Variants in RBMS3 observed in about 807,000 individuals in gnomAD.
The protein encoded by RBMS3 is RNA-binding motif, single-stranded-interacting protein 3.
RBMS3 carries 27 observed loss-of-function variants against 66.8 expected under a neutral mutation model. The observed-to-expected ratio is 0.40, with a 90% CI of 0.30 to 0.56. The LOEUF (loss-of-function observed/expected upper bound fraction) is 0.56. Ranked by LOEUF, RBMS3 falls within the 20% of genes least tolerant of loss-of-function variation. The pLI is 0.40. For synonymous variants in RBMS3, 188 were observed against 183.0 expected (o/e 1.03, Z -0.22); for missense variants, 513 against 549.5 (o/e 0.93, Z 0.66).
At chr3:29,978,943 G>T (rs1697781965) in intron 12 of RBMS3, among the ~76,000 whole-genome samples, 1 of 152,028 alleles carries the variant, frequency 6.6e-6, no homozygotes, top group Non-Finnish European at 1.5e-5. Context: ...AGACCAGTCT[G>T]GGCAAGACCC....
intron 1 of RBMS3, among the ~76,000 whole-genome samples, chr3:29,294,910 G>A (rs1030056446): frequency 6.6e-6 from 1 of 151,494 alleles, no homozygotes; most frequent in Non-Finnish European, 1.5e-5. Flanking sequence ...TACCCAGATG[G>A]GTTTTTTAAC....
intron 4 of RBMS3, among the ~76,000 whole-genome samples, chr3:29,685,149 C>G (rs58837686): frequency 6.6e-6 from 1 of 152,052 alleles, no homozygotes; most frequent in Non-Finnish European, 1.5e-5. Flanking sequence ...AGCTCCGCCT[C>G]CCGGGTTCAC....
chr3:29,658,144 T>C (rs1466021181), intron 4 of RBMS3, among the ~76,000 whole-genome samples: 1 of 152,188 alleles, frequency 6.6e-6, no homozygotes, highest in Non-Finnish European at 1.5e-5. Context: ...ATAATAAAAA[T>C]AGGACCCGTG....
intron 3 of RBMS3, among the ~76,000 whole-genome samples, chr3:29,567,178 G>A: frequency 6.6e-6 from 1 of 152,138 alleles, no homozygotes; most frequent in Non-Finnish European, 1.5e-5. Context: ...TCCCCCCACA[G>A]CACCTAGCTT....
At chr3:29,823,024 T>C (rs1421136678) in intron 6 of RBMS3, among the ~76,000 whole-genome samples, 1 of 152,144 alleles carries the variant, frequency 6.6e-6, no homozygotes, top group Non-Finnish European at 1.5e-5. Flanking sequence ...TTTTCTAGCA[T>C]TGAGGAGATA....
intron 4 of RBMS3, among the ~76,000 whole-genome samples, chr3:29,719,515 C>T (rs1434605577): frequency 6.6e-6 from 1 of 152,066 alleles, no homozygotes; most frequent in Non-Finnish European, 1.5e-5. Flanking sequence ...TTCCAGGGTT[C>T]CTGCATGTTT....
At chr3:29,708,472 G>A (rs2053009660) in intron 4 of RBMS3, among the ~76,000 whole-genome samples, 1 of 152,168 alleles carries the variant, frequency 6.6e-6, no homozygotes, top group South Asian at 2.1e-4. Flanking sequence ...AATAAATCGT[G>A]TAATTCCTAC....
At chr3:29,880,545 A>G (rs2059712370) in intron 7 of RBMS3, among the ~76,000 whole-genome samples, 1 of 152,190 alleles carries the variant, frequency 6.6e-6, no homozygotes, top group African/African-American at 2.4e-5. Context: ...GGAAAGAGAC[A>G]AAAGGAAATT....
rs1433278869 is a variant in RBMS3, at chr3:29,449,985, G to A, written c.248+15070G>A. Among the ~76,000 whole-genome samples the A allele has an allele frequency of 2.0e-5, 3 of 152,156 alleles. 1 individual carries two copies. Among genetic ancestry groups the A allele is most frequent in the Admixed American group, 1.3e-4 (2 of 15,256 alleles). ...TTCACATCTGCATGTTGACAGAAAT[G>A]GAGCAGCATATTTCATGTTATTTCA... On this transcript the variant is annotated intron_variant, in intron 2 of 14. Coordinates refer to ENST00000383767, the MANE Select transcript of RBMS3 (RefSeq NM_001003793.3).
At chr3:29,500,776 A>G (rs1441971525) in intron 3 of RBMS3, among the ~76,000 whole-genome samples, 2 of 152,028 alleles carry the variant, frequency 1.3e-5, no homozygotes, top group Non-Finnish European at 2.9e-5. Flanking sequence ...CATTTCTCAG[A>G]ATGTATTCCC....
At chr3:29,406,714 T>C (rs1025769214) in intron 1 of RBMS3, among the ~76,000 whole-genome samples, 2 of 152,252 alleles carry the variant, frequency 1.3e-5, no homozygotes, top group African/African-American at 4.8e-5. Context: ...CAAGTTTATA[T>C]GCACATACAC....
At chr3:29,304,951 C>G (rs1447664579) in intron 1 of RBMS3, among the ~76,000 whole-genome samples, 1 of 151,926 alleles carries the variant, frequency 6.6e-6, no homozygotes, top group Non-Finnish European at 1.5e-5. Context: ...GTGACTGCTT[C>G]TTGAAACACC....
At chr3:29,663,263 T>C (rs79401804) in intron 4 of RBMS3, among the ~76,000 whole-genome samples, 2 of 151,084 alleles carry the variant, frequency 1.3e-5, no homozygotes, top group African/African-American at 4.9e-5. Flanking sequence ...CAGATAGTGC[T>C]TTAATTTCTA....
intron 1 of RBMS3, among the ~76,000 whole-genome samples, chr3:29,363,948 T>C (rs1298546814): frequency 6.6e-6 from 1 of 152,156 alleles, no homozygotes; most frequent in East Asian, 1.9e-4. Context: ...ACAGTTACTT[T>C]CATATACTAT....
At chr3:29,467,189 T>C (rs1270283617) in intron 2 of RBMS3, among the ~76,000 whole-genome samples, 1 of 152,154 alleles carries the variant, frequency 6.6e-6, no homozygotes, top group Admixed American at 6.6e-5. Flanking sequence ...GAAATGTCTT[T>C]CTGTATTAGC....
chr3:29,727,955 C>T (rs1402861745), intron 4 of RBMS3, among the ~76,000 whole-genome samples: 3 of 152,188 alleles, frequency 2.0e-5, no homozygotes, highest in Non-Finnish European at 2.9e-5. Context: ...TTGGAACCAA[C>T]CCCAATGTCC....
chr3:29,560,255 T>C (rs2046501878), intron 3 of RBMS3, among the ~76,000 whole-genome samples: 1 of 152,212 alleles, frequency 6.6e-6, no homozygotes, highest in African/African-American at 2.4e-5. Context: ...ATCTGGAATT[T>C]TATAATTAAT....
chr3:29,765,975 A>G (rs2149387490), intron 6 of RBMS3: 1 of 152,230 alleles, frequency 6.6e-6, no homozygotes, highest in Middle Eastern at 3.4e-3. Context: ...AATCACAAGA[A>G]CAGCACCGGA....
chr3:29,302,754 G>A (rs2033766223), intron 1 of RBMS3, among the ~76,000 whole-genome samples: 1 of 152,038 alleles, frequency 6.6e-6, no homozygotes, highest in South Asian at 2.1e-4. Flanking sequence ...CTTGCCAATA[G>A]AGAGAAGTTC....
Sources: allele counts gnomAD v4.1 joint callset (sites outside exome capture counted in the v4.1 genomes callset), GRCh38; gene constraint gnomAD v4.1.1; transcripts MANE v1.5; gene names NCBI Gene and HGNC (gene_info 2026-07-23, HGNC 2026-07-21).